PTPRN2: variants seen among roughly 807,000 people sequenced by gnomAD.
The protein encoded by PTPRN2 is receptor-type tyrosine-protein phosphatase N2.
Under a neutral mutation model 118.8 loss-of-function variants are expected in PTPRN2, and 74 were observed. That is an observed-to-expected ratio of 0.62 (90% CI 0.52 to 0.76). The LOEUF (loss-of-function observed/expected upper bound fraction) is 0.76. Among genes scored for constraint, PTPRN2 ranks in the 30% least tolerant of loss-of-function variants. The pLI is 0.00. For missense variants in PTPRN2, 1,481 were observed against 1,394.4 expected (o/e 1.06, Z -0.99); for synonymous variants, 641 against 608.0 (o/e 1.05, Z -0.80).
At chr7:158,145,222 G>A (rs953480022) in intron 6 of PTPRN2, among the ~76,000 whole-genome samples, 14 of 132,540 alleles carry the variant, frequency 1.1e-4, no homozygotes, top group East Asian at 4.5e-4. Context: ...CTCACATCAC[G>A]GTGAGAAGGT....
rs368197062 is a variant in PTPRN2 at position 158,413,882 on chromosome 7, G to A, written c.163+75853C>T. Reference sequence around the variant, plus strand: ...GGGCCAGGTGTGATGGCTCACGCCTGTAATCCCAGCACTTTGGGAGGCCGA... The same window carrying A: ...GGGCCAGGTGTGATGGCTCACGCCTATAATCCCAGCACTTTGGGAGGCCGA... On this transcript the variant is annotated intron_variant, in intron 2 of 22. Coordinates refer to ENST00000389418, the MANE Select transcript of PTPRN2 (RefSeq NM_002847.5). Among the ~76,000 whole-genome samples the A allele has an allele frequency of 1.8e-4, 28 of 152,290 alleles. No individual in the cohort carries two copies. In the South Asian group the frequency reaches 5.0e-3, roughly 27 times the overall value.
chr7:157,662,100 GA>G (rs1475477782), intron 13 of PTPRN2, among the ~76,000 whole-genome samples: 3 of 152,196 alleles, frequency 2.0e-5, no homozygotes, highest in Admixed American at 6.5e-5. Flanking sequence ...GCCTGATTTT[GA>G]ATCTGGGCTT....
Position 158,532,719 on chromosome 7 carries a change from C to T in PTPRN2, c.113-42934G>A, listed in dbSNP as rs117344178. 1.1e-3 allele frequency: 567 copies of T among 534,496 alleles called. 8 individuals carry two copies. In the East Asian group the frequency reaches 0.025, roughly 24 times the overall value. The allele number at this position is 534,496 out of a possible 1,614,324, so 33.1% of individuals were successfully genotyped here. ...ATAACAAAACAACAAAAACCAGCAA[C>T]AGGCGCTTCCTCCAGACACACCACG... is the stretch of plus-strand genomic sequence containing the variant. On this transcript the variant is annotated intron_variant, in intron 1 of 22. Coordinates refer to ENST00000389418, the MANE Select transcript of PTPRN2 (RefSeq NM_002847.5).
rs1380466362 is a variant in PTPRN2, at chr7:157,813,788, A to T, written c.1788+84885T>A. On this transcript the variant is annotated intron_variant, in intron 12 of 22. Coordinates refer to ENST00000389418, the MANE Select transcript of PTPRN2 (RefSeq NM_002847.5). The surrounding 1 kb of genome is among the most constrained non-coding windows in gnomAD (Gnocchi z 4.7). ...CGCATTCCTTACCCCGGTGGTTTTC[A>T]TCTGGACCCTGAGTCAGAATGGCCT... Among the ~76,000 whole-genome samples, 2 of 152,174 alleles carry T rather than the reference A, an allele frequency of 1.3e-5. No individual in the cohort carries two copies. Among genetic ancestry groups the T allele is most frequent in the Non-Finnish European group, 2.9e-5 (2 of 68,028 alleles).
At chr7:158,232,951 C>G (rs576157783) in intron 3 of PTPRN2, among the ~76,000 whole-genome samples, 2 of 152,232 alleles carry the variant, frequency 1.3e-5, no homozygotes, top group African/African-American at 4.8e-5. Context: ...CTATATATGA[C>G]AAATCCACAG....
intron 11 of PTPRN2, among the ~76,000 whole-genome samples, chr7:157,946,913 C>T (rs1800522625): frequency 1.3e-5 from 2 of 152,184 alleles, no homozygotes; most frequent in Admixed American, 6.5e-5. Context: ...TGGGATGTGC[C>T]TTGAATCGTC....
intron 1 of PTPRN2, among the ~76,000 whole-genome samples, chr7:158,534,763 G>A (rs10261537): frequency 0.47 from 71,261 of 152,014 alleles, 17,000 homozygotes; most frequent in South Asian, 0.67. Context: ...CTCTGAAGAC[G>A]AGACATTCTC....
chr7:158,013,755 CCATCCACTCATCCACCTATCCATCCATT>C (rs1806226697), intron 11 of PTPRN2, among the ~76,000 whole-genome samples: 2 of 19,916 alleles, frequency 1.0e-4, no homozygotes, highest in Non-Finnish European at 9.2e-5. Context: ...GCCCATCCAT[CCATCCACTCATCCACCTATCCATCCATT>C]CACCCACCCA....
At chr7:158,558,275 T>C (rs981546902) in intron 1 of PTPRN2, among the ~76,000 whole-genome samples, 8 of 152,236 alleles carry the variant, frequency 5.3e-5, no homozygotes, top group Admixed American at 5.2e-4. Context: ...CCTGAGCCAC[T>C]GCACCCAGGT....
At chr7:158,066,225 C>T (rs781109307) in intron 11 of PTPRN2, among the ~76,000 whole-genome samples, 1 of 152,240 alleles carries the variant, frequency 6.6e-6, no homozygotes, top group African/African-American at 2.4e-5. Context: ...CCTCCCTCTC[C>T]GTTCCCAACC....
chr7:158,179,709 C>T (rs10266358), intron 5 of PTPRN2, among the ~76,000 whole-genome samples: 1 of 152,140 alleles, frequency 6.6e-6, no homozygotes, highest in East Asian at 1.9e-4. Flanking sequence ...CTTCAGAGGC[C>T]GGGCTGGGTT....
In PTPRN2 at chr7:157,810,350, G is replaced by A. The variant is rs528532332; in HGVS notation, c.1788+88323C>T. On this transcript the variant is annotated intron_variant, in intron 12 of 22. Coordinates refer to ENST00000389418, the MANE Select transcript of PTPRN2 (RefSeq NM_002847.5). ...CACTGGGGGCTCTGCAACTTGACGA[G>A]GCTATGCCAGGCTGGGCTAGAGGTG... 1.2e-3 allele frequency among the ~76,000 whole-genome samples: 179 copies of A among 152,328 alleles called. 1 individual carries two copies. Among genetic ancestry groups the A allele is most frequent in the African/African-American group, 4.3e-3 (178 of 41,566 alleles).
intron 22 of PTPRN2, among the ~76,000 whole-genome samples, chr7:157,547,692 G>C (rs1003459249): frequency 1.3e-5 from 2 of 152,258 alleles, no homozygotes; most frequent in Non-Finnish European, 2.9e-5. Context: ...TCATCACGCA[G>C]CCACGCAGAA....
chr7:158,065,192 C>T (rs935754864), intron 11 of PTPRN2, among the ~76,000 whole-genome samples: 5 of 152,186 alleles, frequency 3.3e-5, no homozygotes, highest in Non-Finnish European at 5.9e-5. Context: ...ATGCAGTTCA[C>T]CAGGAACACC....
chr7:158,557,741 C>T (rs566031226), intron 1 of PTPRN2, among the ~76,000 whole-genome samples: 3 of 152,284 alleles, frequency 2.0e-5, no homozygotes, highest in South Asian at 4.2e-4. Flanking sequence ...AAGAAAACAG[C>T]GTTTCCAGAG....
chr7:158,311,796 T>C (rs990918485), intron 3 of PTPRN2, among the ~76,000 whole-genome samples: 11 of 152,204 alleles, frequency 7.2e-5, no homozygotes, highest in African/African-American at 2.4e-4. Context: ...AAAACCTGCA[T>C]ATGAACATGC....
intron 21 of PTPRN2, among the ~76,000 whole-genome samples, chr7:157,556,633 GCA>G (rs1377418880): frequency 4.6e-4 from 69 of 149,142 alleles, no homozygotes; most frequent in Middle Eastern, 3.6e-3. Context: ...ATATGCACAT[GCA>G]CACACACACA....
At chr7:157,719,105 T>C (rs994499959) in intron 12 of PTPRN2, among the ~76,000 whole-genome samples, 1 of 152,190 alleles carries the variant, frequency 6.6e-6, no homozygotes, top group Non-Finnish European at 1.5e-5. Flanking sequence ...TGCTCAGGCC[T>C]GCAGCCAAAC....
chr7:157,818,147 A>G (rs923696624), intron 12 of PTPRN2, among the ~76,000 whole-genome samples: 8 of 150,006 alleles, frequency 5.3e-5, no homozygotes, highest in Admixed American at 4.0e-4. Flanking sequence ...GTGTATGTGC[A>G]TGTGTGGTGT....
Sources: gnomAD v4.1 joint callset for allele counts (sites outside exome capture counted in the v4.1 genomes callset) on GRCh38, gnomAD v4.1.1 for gene constraint, Gnocchi (gnomAD v3.1) non-coding constraint, MANE v1.5 for transcripts, NCBI Gene and HGNC (gene_info 2026-07-23, HGNC 2026-07-21) for gene names.